Variants in PSMD1 observed in about 807,000 individuals in gnomAD.
PSMD1 encodes the protein proteasome 26S subunit, non-ATPase 1.
In PSMD1, 18 loss-of-function variants were observed where a neutral mutation model predicts 119.0. That is an observed-to-expected ratio of 0.15 (90% CI 0.10 to 0.22). The LOEUF is 0.22. Among genes scored for constraint, PSMD1 ranks in the 10% least tolerant of loss-of-function variants. The pLI is 1.00. For synonymous variants in PSMD1, 374 were observed against 396.6 expected, an observed-to-expected ratio of 0.94 and a Z score of 0.68; for missense variants, 702 against 1,158.5, an observed-to-expected ratio of 0.61 and a Z score of 5.72.
chr2:231,126,389 A>G (rs1013788478), intron 16 of PSMD1, among the ~76,000 whole-genome samples: 2 of 152,008 alleles, frequency 1.3e-5, no homozygotes, highest in Non-Finnish European at 2.9e-5. Flanking sequence ...CAGTGAGCTG[A>G]GATCACACCA....
intron 16 of PSMD1, among the ~76,000 whole-genome samples, chr2:231,114,737 G>C (rs547079349): frequency 3.3e-5 from 5 of 152,160 alleles, no homozygotes; most frequent in African/African-American, 9.6e-5. Flanking sequence ...AAAATTTTAG[G>C]TGTGGATGTG....
intron 11 of PSMD1, 26 bp from the exon 12 acceptor site, chr2:231,080,115 G>T (rs1475141235): frequency 6.4e-7 from 1 of 1,562,198 alleles, no homozygotes; most frequent in Non-Finnish European, 8.7e-7. Flanking sequence ...TCTTTTTGAT[G>T]TCTTTGTTAT....
rs368643062 is a variant in PSMD1 at position 231,102,185 on chromosome 2, T to C, written c.1883+15004T>C. 7.2e-5 allele frequency among the ~76,000 whole-genome samples: 11 copies of C among 152,200 alleles called. No individual in the cohort carries two copies. In the East Asian group the frequency reaches 9.6e-4, roughly 13 times the overall value. ...TAATGATGTTGCACACTTAATAGGCTATAGTATAGTGTAAACATAACTTTT... is the reference window on the plus strand; with the variant it reads ...TAATGATGTTGCACACTTAATAGGCCATAGTATAGTGTAAACATAACTTTT... On this transcript the variant is annotated intron_variant, in intron 16 of 24. Transcript: ENST00000308696.
At chr2:231,165,034 TTATATATATATATATATATATA>T (rs66656378) in intron 21 of PSMD1, 144 bp from the exon 22 acceptor site, 278 of 22,050 alleles carry the variant, frequency 0.013, 9 homozygotes, top group Middle Eastern at 0.019. Context: ...TTATATATAT[TTATATATATATATATATATATA>T]TATATATATA....
intron 16 of PSMD1, among the ~76,000 whole-genome samples, chr2:231,126,296 G>C (rs1695717704): frequency 6.6e-6 from 1 of 152,076 alleles, no homozygotes; most frequent in Non-Finnish European, 1.5e-5. Context: ...CAGCTACTGG[G>C]CGGCGGCGGA....
At chr2:231,128,987 C>T (rs1695792393) in intron 16 of PSMD1, among the ~76,000 whole-genome samples, 1 of 152,152 alleles carries the variant, frequency 6.6e-6, no homozygotes, top group African/African-American at 2.4e-5. Context: ...TGGTGTTGTC[C>T]TTTAATCAAA....
At chr2:231,101,848 T>G (rs756357600) in intron 16 of PSMD1, among the ~76,000 whole-genome samples, 6 of 152,100 alleles carry the variant, frequency 3.9e-5, no homozygotes, top group Non-Finnish European at 8.8e-5. Context: ...ATACAGAGGG[T>G]CTTCCTCTGC....
At chr2:231,112,163 C>G (rs1259656523) in intron 16 of PSMD1, among the ~76,000 whole-genome samples, 2 of 152,144 alleles carry the variant, frequency 1.3e-5, no homozygotes, top group Non-Finnish European at 2.9e-5. Context: ...ATACACATAC[C>G]TCACACTCTC....
chr2:231,077,133 A>G lies in PSMD1; in HGVS notation c.1042A>G (p.Thr348Ala). ...HLQFLIRNNNTDLMILKNTKD... is the reference protein window; with the variant it reads ...HLQFLIRNNNADLMILKNTKD... The stretch of plus-strand genomic sequence containing the variant: ...GCAGTTCTTAATACGAAACAATAAT[A>G]CAGACCTCATGATTCTAAAAAACAC... Residue 348 changes from threonine to alanine, a missense_variant, in exon 9 of 25, where the codon ACA becomes GCA. Thr to Ala is a moderately conservative substitution (Grantham distance 58). Coordinates refer to ENST00000308696, the MANE Select transcript of PSMD1 (RefSeq NM_002807.4). 3.2e-6 allele frequency: 5 copies of G among 1,570,072 alleles called. No homozygotes were observed. Among genetic ancestry groups the G allele is most frequent in the Non-Finnish European group, 4.3e-6 (5 of 1,153,768 alleles).
intron 16 of PSMD1, among the ~76,000 whole-genome samples, chr2:231,100,742 C>T (rs557750159): frequency 8.5e-5 from 13 of 152,222 alleles, no homozygotes; most frequent in South Asian, 2.1e-4. Flanking sequence ...ACCAAGGCTC[C>T]GCTAGCTTTA....
intron 1 of PSMD1, among the ~76,000 whole-genome samples, chr2:231,059,631 C>G (rs957727854): frequency 6.6e-6 from 1 of 152,154 alleles, no homozygotes; most frequent in Non-Finnish European, 1.5e-5. Flanking sequence ...CCTCACTTTC[C>G]CTTTCCTGAT....
At chr2:231,108,468 C>T in intron 16 of PSMD1, 2 of 1,348,834 alleles carry the variant, frequency 1.5e-6, no homozygotes, top group Non-Finnish European at 2.1e-6. Context: ...ATTTACATCT[C>T]ATTCATCATC....
chr2:231,093,718 A>G (rs1013396596), intron 16 of PSMD1, among the ~76,000 whole-genome samples: 2 of 152,194 alleles, frequency 1.3e-5, no homozygotes, highest in African/African-American at 4.8e-5. Context: ...ATTAAGGGTA[A>G]ATAAGGCTTG....
At chr2:231,146,148 C>A in intron 17 of PSMD1, 92 bp from the exon 18 acceptor site, 2 of 844,890 alleles carry the variant, frequency 2.4e-6, no homozygotes, top group East Asian at 5.2e-5. Flanking sequence ...TGTCACTTCC[C>A]AGAATGTCGT....
intron 13 of PSMD1, 152 bp from the exon 14 acceptor site, chr2:231,083,415 A>C: frequency 4.1e-6 from 3 of 739,914 alleles, no homozygotes; most frequent in Admixed American, 2.7e-5. Context: ...TTCCACATAA[A>C]GTATCCTTTT....
At chr2:231,081,077 G>A (rs538489207) in intron 12 of PSMD1, among the ~76,000 whole-genome samples, 2 of 149,324 alleles carry the variant, frequency 1.3e-5, no homozygotes, top group Non-Finnish European at 3.0e-5. Context: ...CCGGGAGGCA[G>A]AGGTTGCAGT....
intron 17 of PSMD1, among the ~76,000 whole-genome samples, chr2:231,143,151 A>T (rs952126364): frequency 1.3e-5 from 2 of 149,588 alleles, no homozygotes; most frequent in African/African-American, 5.0e-5. Context: ...TTTTTTTTTT[A>T]ACTCTAATCT....
chr2:231,069,906 G>A, intron 5 of PSMD1, 119 bp from the exon 6 acceptor site: 1 of 746,700 alleles, frequency 1.3e-6, no homozygotes, highest in South Asian at 5.6e-5. Context: ...TGCTTAAGAG[G>A]TCTAAATAAT....
At chr2:231,076,883 C>A in intron 8 of PSMD1, 151 bp from the exon 9 acceptor site, 1 of 541,800 alleles carries the variant, frequency 1.8e-6, no homozygotes, top group Non-Finnish European at 3.0e-6. Context: ...TATCATATCT[C>A]AGTAGCATCT....
Sources: allele counts gnomAD v4.1 joint callset (sites outside exome capture counted in the v4.1 genomes callset), GRCh38; gene constraint gnomAD v4.1.1; transcripts MANE v1.5; gene names NCBI Gene and HGNC (gene_info 2026-07-23, HGNC 2026-07-21).